KHDRBS2: variants seen among roughly 807,000 people sequenced by gnomAD.
KHDRBS2 encodes KH domain-containing, RNA-binding, signal transduction-associated protein 2.
Under a neutral mutation model 44.3 loss-of-function variants are expected in KHDRBS2, and 26 were observed. The observed-to-expected ratio is 0.59, with a 90% CI of 0.43 to 0.81. KHDRBS2 has a LOEUF of 0.81. Among genes scored for constraint, KHDRBS2 ranks in the 40% least tolerant of loss-of-function variants. The pLI is 0.00. For missense variants in KHDRBS2, 476 were observed against 433.1 expected (o/e 1.10, Z -0.88); for synonymous variants, 194 against 151.1 (o/e 1.28, Z -2.08).
intron 4 of KHDRBS2, among the ~76,000 whole-genome samples, chr6:61,968,583 G>C (rs1387175487): frequency 6.6e-6 from 1 of 151,990 alleles, no homozygotes; most frequent in African/African-American, 2.4e-5. Flanking sequence ...TTGCTGAATG[G>C]TAATAAGTCC....
chr6:61,658,838 C>G, the KHDRBS2 span, among the ~76,000 whole-genome samples: 3 of 151,466 alleles, frequency 2.0e-5, no homozygotes, highest in South Asian at 6.2e-4. Flanking sequence ...TTTACATTAA[C>G]TTTGTTCTTT....
At chr6:62,203,142 G>C (rs1182734586) in intron 1 of KHDRBS2, among the ~76,000 whole-genome samples, 1 of 152,056 alleles carries the variant, frequency 6.6e-6, no homozygotes, top group African/African-American at 2.4e-5. Context: ...AGAGTGGAGA[G>C]GTATCCAGGA....
chr6:61,807,394 A>G (rs1247606064), intron 6 of KHDRBS2, among the ~76,000 whole-genome samples: 4 of 152,176 alleles, frequency 2.6e-5, no homozygotes, highest in African/African-American at 4.8e-5. Context: ...AGCACTACTC[A>G]CAATAGCAAA....
chr6:61,549,222 A>G, the KHDRBS2 span, among the ~76,000 whole-genome samples: 2 of 152,190 alleles, frequency 1.3e-5, no homozygotes, highest in Non-Finnish European at 1.5e-5. Context: ...AAATACAAAA[A>G]TAACAAATGG....
At chr6:62,002,793 T>A (rs1254192752) in intron 3 of KHDRBS2, among the ~76,000 whole-genome samples, 1 of 151,594 alleles carries the variant, frequency 6.6e-6, no homozygotes, top group Non-Finnish European at 1.5e-5. Flanking sequence ...ATAGTATAGG[T>A]TAAATTTCTT....
At position 62,119,847 on chromosome 6, in the gene KHDRBS2, C is replaced by T. The variant is rs555112295; in HGVS notation, c.219+57338G>A. Among the ~76,000 whole-genome samples, 22 of 152,290 alleles carry T rather than the reference C, an allele frequency of 1.4e-4. 1 individual carries two copies. In the South Asian group the frequency reaches 4.6e-3, roughly 32 times the overall value. On this transcript the variant is annotated intron_variant, in intron 2 of 8. Coordinates refer to ENST00000281156, the MANE Select transcript of KHDRBS2 (RefSeq NM_152688.4). ...TGCCAGGCAAGATAATGCTGATTCT[C>T]CTCAGGAACTACCCCCAACACCCCT...
At chr6:62,029,638 T>G (rs1783985351) in intron 3 of KHDRBS2, among the ~76,000 whole-genome samples, 2 of 151,930 alleles carry the variant, frequency 1.3e-5, no homozygotes. Context: ...GTGATTCATC[T>G]GCATTCAGTA....
At chr6:61,673,721 C>T in the KHDRBS2 span, among the ~76,000 whole-genome samples, 6 of 139,584 alleles carry the variant, frequency 4.3e-5, no homozygotes, top group South Asian at 2.5e-4. Flanking sequence ...TTACAAGGGA[C>T]GTGAAGGACC....
At chr6:62,211,802 C>A (rs1829093296) in intron 1 of KHDRBS2, among the ~76,000 whole-genome samples, 1 of 152,074 alleles carries the variant, frequency 6.6e-6, no homozygotes, top group African/African-American at 2.4e-5. Flanking sequence ...AATTCTATTT[C>A]TGGGTATATA....
At chr6:61,945,110 AAAGTATATATATATATATATAT>A (rs1347484764) in intron 4 of KHDRBS2, among the ~76,000 whole-genome samples, 1 of 46,274 alleles carries the variant, frequency 2.2e-5, no homozygotes, top group Non-Finnish European at 3.6e-5. Context: ...AAAAAAAAAA[AAAGTATATATATATATATATAT>A]ATATATATAT....
intron 2 of KHDRBS2, among the ~76,000 whole-genome samples, chr6:62,108,408 C>T (rs1804062839): frequency 6.6e-6 from 1 of 152,188 alleles, no homozygotes; most frequent in African/African-American, 2.4e-5. Flanking sequence ...TACCATCTCA[C>T]ACCAGTTAGA....
the KHDRBS2 span, among the ~76,000 whole-genome samples, chr6:61,546,580 C>T: frequency 1.3e-5 from 2 of 152,156 alleles, no homozygotes; most frequent in Admixed American, 1.3e-4. Context: ...TAATATTAAA[C>T]ATTGAAATAA....
At chr6:62,144,546 G>A (rs1362999378) in intron 2 of KHDRBS2, among the ~76,000 whole-genome samples, 3 of 151,772 alleles carry the variant, frequency 2.0e-5, no homozygotes, top group East Asian at 1.9e-4. Context: ...TGGAGTTCAC[G>A]TGAAACAGCT....
chr6:62,146,396 G>T (rs1316158460), intron 2 of KHDRBS2, among the ~76,000 whole-genome samples: 1 of 151,168 alleles, frequency 6.6e-6, no homozygotes, highest in Non-Finnish European at 1.5e-5. Flanking sequence ...ACTAGTTGTT[G>T]TCTCTTCTCT....
Position 61,863,338 on chromosome 6 carries a change from G to A in KHDRBS2, c.810+31297C>T, listed in dbSNP as rs1797307452. Among the ~76,000 whole-genome samples, 4 of 151,148 alleles carry A rather than the reference G, an allele frequency of 2.6e-5. No individual in the cohort carries two copies. The South Asian group carries it at 8.4e-4, about 32-fold the overall frequency. On this transcript the variant is annotated intron_variant, in intron 6 of 8. Transcript: ENST00000281156. ...ATTTCTTTCTTCTGTCAGTGTTAGG[G>A]TGCCTTTGCACTTGGTTCTCTAGTT...
At chr6:61,551,082 A>G in the KHDRBS2 span, among the ~76,000 whole-genome samples, 1 of 152,164 alleles carries the variant, frequency 6.6e-6, no homozygotes, top group South Asian at 2.1e-4. Flanking sequence ...CCAAGTTGGT[A>G]TCTCATTGTG....
At chr6:61,657,065 G>T in the KHDRBS2 span, among the ~76,000 whole-genome samples, 2 of 151,872 alleles carry the variant, frequency 1.3e-5, no homozygotes, top group Non-Finnish European at 2.9e-5. Flanking sequence ...TCAAAAGATG[G>T]TCCATAGAGA....
intron 3 of KHDRBS2, among the ~76,000 whole-genome samples, chr6:62,009,873 G>C (rs1238855058): frequency 6.6e-6 from 1 of 152,204 alleles, no homozygotes; most frequent in Non-Finnish European, 1.5e-5. Context: ...GCAGGAGTTT[G>C]CTGTAGGGGC....
chr6:62,144,847 G>A (rs981109878), intron 2 of KHDRBS2, among the ~76,000 whole-genome samples: 1 of 151,890 alleles, frequency 6.6e-6, no homozygotes, highest in African/African-American at 2.4e-5. Context: ...GAGTAATGAA[G>A]ACAGTAGCAT....
Sources: gnomAD v4.1 joint callset for allele counts (sites outside exome capture counted in the v4.1 genomes callset) on GRCh38, gnomAD v4.1.1 for gene constraint, MANE v1.5 for transcripts, NCBI Gene and HGNC (gene_info 2026-07-23, HGNC 2026-07-21) for gene names.